Variants in DAPL1 observed in about 807,000 individuals in gnomAD.
DAPL1 encodes death associated protein like 1.
A neutral mutation model predicts 12.9 loss-of-function variants in DAPL1; 17 were observed. The ratio of observed to expected loss-of-function variants is 1.32; its 90% CI spans 0.90 to 1.98. The LOEUF (loss-of-function observed/expected upper bound fraction) is 1.98, where lower values mean the gene tolerates loss of function less well. Among genes scored for constraint, DAPL1 ranks in the 30% most tolerant of loss-of-function variants. DAPL1 has a pLI of 0.00. For missense variants in DAPL1, 157 were observed against 125.7 expected (o/e 1.25, Z -1.19); for synonymous variants, 51 against 42.0 (o/e 1.21, Z -0.82).
chr2:158,797,189 T>C (rs542022574), intron 1 of DAPL1, among the ~76,000 whole-genome samples: 1 of 152,324 alleles, frequency 6.6e-6, no homozygotes, highest in Non-Finnish European at 1.5e-5. Context: ...GACCTGGGTT[T>C]GAACCTCAAC....
rs774184498 is a variant in DAPL1 at position 158,795,386 on chromosome 2, T to C, written c.14T>C (p.Val5Ala). The C allele has an allele frequency of 1.9e-6, 3 of 1,555,660 alleles. No homozygotes were observed. Among genetic ancestry groups the C allele is most frequent in the East Asian group, 2.4e-5 (1 of 41,286 alleles). ...CTGGCACACGCTATGGCAAATGAAG[T>C]GCAAGACCTGCTCTCCCCTCGGAAA... MANEVQDLLSPRKGG... is the reference protein window; with the variant it reads MANEAQDLLSPRKGG... Residue 5 changes from valine (V) to alanine (A), a missense_variant, in exon 1 of 4, where the codon GTG becomes GCG. By Grantham distance (64) the Val-to-Ala change is moderately conservative. Coordinates refer to ENST00000309950, the MANE Select transcript of DAPL1 (RefSeq NM_001017920.3).
intron 3 of DAPL1, among the ~76,000 whole-genome samples, chr2:158,813,981 G>A (rs1412501208): frequency 6.6e-6 from 1 of 151,992 alleles, no homozygotes; most frequent in East Asian, 1.9e-4. Flanking sequence ...TTGGCTAATT[G>A]CCCAAATTTC....
chr2:158,808,601 G>C (rs1341206279), intron 3 of DAPL1, among the ~76,000 whole-genome samples: 1 of 152,138 alleles, frequency 6.6e-6, no homozygotes, highest in Non-Finnish European at 1.5e-5. Flanking sequence ...TGGGAGCCTT[G>C]GTTCTCCACT....
chr2:158,812,742 C>T (rs1279417564), intron 3 of DAPL1, among the ~76,000 whole-genome samples: 3 of 144,572 alleles, frequency 2.1e-5, no homozygotes, highest in Non-Finnish European at 4.5e-5. Flanking sequence ...TTGCAGGGAG[C>T]AGAGATCACA....
intron 3 of DAPL1, among the ~76,000 whole-genome samples, chr2:158,809,672 G>A (rs182577974): frequency 3.0e-4 from 46 of 152,202 alleles, no homozygotes; most frequent in Admixed American, 5.2e-4. Flanking sequence ...TAATACATGC[G>A]CAGTGCTAGG....
At chr2:158,796,786 C>G (rs1394127912) in intron 1 of DAPL1, among the ~76,000 whole-genome samples, 1 of 152,168 alleles carries the variant, frequency 6.6e-6, no homozygotes, top group Non-Finnish European at 1.5e-5. Context: ...TCTGTCCCCA[C>G]CACTAATGAT....
intron 1 of DAPL1, among the ~76,000 whole-genome samples, chr2:158,801,414 A>C (rs761625763): frequency 6.6e-6 from 1 of 152,236 alleles, no homozygotes; most frequent in Non-Finnish European, 1.5e-5. Flanking sequence ...TCTCCCATAC[A>C]GAGGCACACA....
At chr2:158,797,893 T>G (rs1460670738) in intron 1 of DAPL1, among the ~76,000 whole-genome samples, 2 of 152,200 alleles carry the variant, frequency 1.3e-5, no homozygotes, top group Non-Finnish European at 1.5e-5. Context: ...ATATAATATA[T>G]TGCATCTCTG....
At chr2:158,805,961 T>A (rs2059198656) in intron 2 of DAPL1, among the ~76,000 whole-genome samples, 2 of 147,998 alleles carry the variant, frequency 1.4e-5, no homozygotes, top group Non-Finnish European at 3.0e-5. Flanking sequence ...ATGAAATGGG[T>A]AGGGCCCCTC....
chr2:158,812,884 G>A (rs1398872914), intron 3 of DAPL1, among the ~76,000 whole-genome samples: 1 of 151,780 alleles, frequency 6.6e-6, no homozygotes, highest in African/African-American at 2.4e-5. Context: ...CCATATATTG[G>A]AAGAATTGAA....
chr2:158,802,714 G>A (rs1245748710), intron 1 of DAPL1, among the ~76,000 whole-genome samples: 1 of 152,156 alleles, frequency 6.6e-6, no homozygotes, highest in African/African-American at 2.4e-5. Flanking sequence ...ACTTTCTGAG[G>A]ACACCCTACT....
chr2:158,804,192 T>C, intron 1 of DAPL1, 90 bp from the exon 2 acceptor site: 3 of 846,814 alleles, frequency 3.5e-6, no homozygotes, highest in Non-Finnish European at 5.4e-6. Context: ...AGTTCAAAAA[T>C]TATTTTCAAA....
intron 3 of DAPL1, among the ~76,000 whole-genome samples, chr2:158,813,090 T>C (rs2059240363): frequency 1.3e-5 from 2 of 152,156 alleles, no homozygotes; most frequent in African/African-American, 2.4e-5. Context: ...GTAACATGGA[T>C]GGACCTTGAA....
intron 2 of DAPL1, among the ~76,000 whole-genome samples, chr2:158,804,740 A>C (rs2059190840): frequency 6.6e-6 from 1 of 152,236 alleles, no homozygotes; most frequent in Non-Finnish European, 1.5e-5. Flanking sequence ...CCCTGTTTTC[A>C]TAATATGCTT....
intron 1 of DAPL1, among the ~76,000 whole-genome samples, chr2:158,802,002 C>A (rs573568189): frequency 6.6e-6 from 1 of 152,182 alleles, no homozygotes; most frequent in Non-Finnish European, 1.5e-5. Context: ...AACACAGAAC[C>A]AAGCTCAACC....
intron 1 of DAPL1, among the ~76,000 whole-genome samples, chr2:158,802,079 G>T (rs111676703): frequency 0.028 from 4,231 of 152,264 alleles, 89 homozygotes; most frequent in Middle Eastern, 0.12. Context: ...TAACTTACTG[G>T]CTGACAAAAC....
chr2:158,799,195 T>C (rs2059152038), intron 1 of DAPL1, among the ~76,000 whole-genome samples: 1 of 152,204 alleles, frequency 6.6e-6, no homozygotes, highest in Non-Finnish European at 1.5e-5. Flanking sequence ...CTTTTTTACA[T>C]TGTCTATCTC....
intron 3 of DAPL1, among the ~76,000 whole-genome samples, chr2:158,809,361 A>AAAAAAAAAAAAAG (rs2059218367): frequency 6.6e-6 from 1 of 151,192 alleles, no homozygotes; most frequent in Non-Finnish European, 1.5e-5. Context: ...CCATCTCAAA[A>AAAAAAAAAAAAAG]AAAAAAAGAA....
At chr2:158,813,513 A>C (rs114372196) in intron 3 of DAPL1, among the ~76,000 whole-genome samples, 1,764 of 151,910 alleles carry the variant, frequency 0.012, 38 homozygotes, top group African/African-American at 0.04. Context: ...TAAGCAGCAA[A>C]TATCTTCTAT....
Sources: allele counts gnomAD v4.1 joint callset (sites outside exome capture counted in the v4.1 genomes callset), GRCh38; gene constraint gnomAD v4.1.1; transcripts MANE v1.5; gene names NCBI Gene and HGNC (gene_info 2026-07-23, HGNC 2026-07-21).